RAB12: variants seen among roughly 807,000 people sequenced by gnomAD.
The protein encoded by RAB12 is ras-related protein Rab-12.
RAB12 carries 11 observed loss-of-function variants against 28.4 expected under a neutral mutation model. The observed-to-expected ratio is 0.39, with a 90% CI of 0.24 to 0.64. The LOEUF is 0.64. Among genes scored for constraint, RAB12 ranks in the 30% least tolerant of loss-of-function variants. RAB12 has a pLI of 0.50. For missense variants in RAB12, 276 were observed against 351.1 expected, an observed-to-expected ratio of 0.79 and a Z score of 1.71; for synonymous variants, 138 against 145.3, an observed-to-expected ratio of 0.95 and a Z score of 0.36.
intron 2 of RAB12, among the ~76,000 whole-genome samples, chr18:8,632,128 A>G (rs1310750109): frequency 1.3e-5 from 2 of 151,988 alleles, no homozygotes; most frequent in African/African-American, 2.4e-5. Flanking sequence ...CTAAAAATAT[A>G]TTAGCCAGGC....
rs573598905 is a variant in RAB12, at chr18:8,632,873, A to T, written c.576-316A>T. ...AAAACATCATATATTTTGATGTTATATTAGCATTCCTGTTGCTGATTTTCT... is the reference window on the plus strand; with the variant it reads ...AAAACATCATATATTTTGATGTTATTTTAGCATTCCTGTTGCTGATTTTCT... On this transcript the variant is annotated intron_variant, in intron 2 of 5. Transcript: ENST00000649141. 33 of 295,582 alleles carry T rather than the reference A, an allele frequency of 1.1e-4. No homozygotes were observed. The South Asian group carries it at 1.6e-3, about 15-fold the overall frequency. 18.3% of individuals were successfully genotyped at this position (295,582 alleles called of 1,614,324 possible).
intron 2 of RAB12, among the ~76,000 whole-genome samples, 160 bp downstream of exon 2, chr18:8,625,158 A>T (rs2096011973): frequency 6.6e-6 from 1 of 152,214 alleles, no homozygotes; most frequent in Admixed American, 6.5e-5. Flanking sequence ...AAGAGAGAGA[A>T]TTTAGATAAG....
At chr18:8,614,518 AG>A (rs201792136) in intron 1 of RAB12, among the ~76,000 whole-genome samples, 1 of 141,118 alleles carries the variant, frequency 7.1e-6, no homozygotes. Flanking sequence ...AAAAAAAAAA[AG>A]AAAAAAAAAA....
rs2096017339 is a variant in RAB12, at chr18:8,633,859, G to A, written c.714+532G>A. Among the ~76,000 whole-genome samples the A allele has an allele frequency of 2.0e-5, 3 of 152,128 alleles. No homozygotes were observed. The South Asian group carries it at 6.2e-4, about 32-fold the overall frequency. On this transcript the variant is annotated intron_variant, in intron 3 of 5. Transcript: ENST00000649141. ...TCATACAGATAGGCTGTGTCCCTGT[G>A]GTTAATGTGAACCGTGGGTTCTCCG... is the stretch of plus-strand genomic sequence containing the variant.
intron 1 of RAB12, among the ~76,000 whole-genome samples, chr18:8,616,013 T>C (rs1203700372): frequency 6.6e-6 from 1 of 152,244 alleles, no homozygotes. Context: ...GTCCAAATTA[T>C]TCTCTATCCT....
intron 1 of RAB12, among the ~76,000 whole-genome samples, chr18:8,614,525 A>G (rs1294779054): frequency 6.6e-6 from 1 of 151,678 alleles, no homozygotes; most frequent in Non-Finnish European, 1.5e-5. Flanking sequence ...AAAAGAAAAA[A>G]AAAAGACTTA....
chr18:8,636,719 T>G (rs975119415), intron 5 of RAB12, among the ~76,000 whole-genome samples: 2 of 152,222 alleles, frequency 1.3e-5, no homozygotes, highest in Non-Finnish European at 2.9e-5. Context: ...GCAGGTGTCT[T>G]AGCGGAAAAG....
chr18:8,614,103 TGA>T (rs1467843691), intron 1 of RAB12, among the ~76,000 whole-genome samples: 1 of 152,212 alleles, frequency 6.6e-6, no homozygotes, highest in African/African-American at 2.4e-5. Flanking sequence ...TTTGCTTTGT[TGA>T]AAATACTAAT....
At chr18:8,634,592 T>A (rs2096017854) in intron 3 of RAB12, among the ~76,000 whole-genome samples, 1 of 152,240 alleles carries the variant, frequency 6.6e-6, no homozygotes, top group South Asian at 2.1e-4. Flanking sequence ...TGTGAGTCTG[T>A]GCCCACCCAG....
chr18:8,622,114 CAA>C (rs1400015026), intron 1 of RAB12, among the ~76,000 whole-genome samples: 1 of 152,106 alleles, frequency 6.6e-6, no homozygotes, highest in Admixed American at 6.5e-5. Flanking sequence ...GTAGTCAAAA[CAA>C]AGATTATCTG....
intron 5 of RAB12, among the ~76,000 whole-genome samples, chr18:8,637,822 A>T (rs2148712733): frequency 6.6e-6 from 1 of 152,348 alleles, no homozygotes; most frequent in Admixed American, 6.5e-5. Flanking sequence ...AGAAAAGAAA[A>T]TGTTATTAAG....
intron 1 of RAB12, among the ~76,000 whole-genome samples, chr18:8,619,478 A>G (rs892802308): frequency 1.3e-5 from 2 of 152,270 alleles, no homozygotes; most frequent in Non-Finnish European, 2.9e-5. Flanking sequence ...GTTGCTAGAC[A>G]TGTGAAAGAC....
In RAB12 at chr18:8,632,363, C is replaced by G. The variant is rs533672122; in HGVS notation, c.576-826C>G. 4.6e-5 allele frequency among the ~76,000 whole-genome samples: 7 copies of G among 151,356 alleles called. No individual in the cohort carries two copies. In the East Asian group the frequency reaches 1.4e-3, roughly 29 times the overall value. Reference sequence around the variant, plus strand: ...AACTTGTTCAGAAAAGCTACTGTGGCTGACAGTAGTGGCTGTGCACGGATG... The same window carrying G: ...AACTTGTTCAGAAAAGCTACTGTGGGTGACAGTAGTGGCTGTGCACGGATG... On this transcript the variant is annotated intron_variant, in intron 2 of 5. Coordinates refer to ENST00000649141, the MANE Select transcript of RAB12 (RefSeq NM_001025300.3).
intron 3 of RAB12, among the ~76,000 whole-genome samples, chr18:8,634,283 C>CTTT (rs752637908): frequency 4.3e-5 from 4 of 92,578 alleles, no homozygotes; most frequent in Admixed American, 1.2e-4. Context: ...CTCTCTCTCT[C>CTTT]TTTTTTTTTT....
intron 1 of RAB12, among the ~76,000 whole-genome samples, chr18:8,616,858 G>GATCT (rs2096006987): frequency 6.6e-6 from 1 of 152,146 alleles, no homozygotes; most frequent in Non-Finnish European, 1.5e-5. Context: ...GAGCCAGGGA[G>GATCT]ATCTAGGCTG....
chr18:8,635,090 T>C (rs1252240090), intron 3 of RAB12: 2 of 152,464 alleles, frequency 1.3e-5, no homozygotes, highest in Admixed American at 1.3e-4. Context: ...GCTTATTTTG[T>C]GAATATTCTG....
chr18:8,632,831 C>T, intron 2 of RAB12: 4 of 226,348 alleles, frequency 1.8e-5, no homozygotes, highest in Non-Finnish European at 1.7e-5. Flanking sequence ...AAAACTTTTC[C>T]CCCATTTTAT....
At chr18:8,617,241 ACT>A (rs1256890724) in intron 1 of RAB12, among the ~76,000 whole-genome samples, 1 of 152,142 alleles carries the variant, frequency 6.6e-6, no homozygotes, top group Non-Finnish European at 1.5e-5. Flanking sequence ...AGATCCGAAA[ACT>A]CTGAAACACT....
intron 1 of RAB12, among the ~76,000 whole-genome samples, chr18:8,615,227 G>C (rs1328964180): frequency 6.6e-6 from 1 of 152,188 alleles, no homozygotes; most frequent in Non-Finnish European, 1.5e-5. Flanking sequence ...CTCTCTGGGG[G>C]TCTGCCCTTG....
Sources: gnomAD v4.1 joint callset for allele counts (sites outside exome capture counted in the v4.1 genomes callset) on GRCh38, gnomAD v4.1.1 for gene constraint, MANE v1.5 for transcripts, NCBI Gene and HGNC (gene_info 2026-07-23, HGNC 2026-07-21) for gene names.